Variants in KALRN observed in about 807,000 individuals in gnomAD.
KALRN encodes kalirin RhoGEF kinase, also known as kalirin.
In KALRN, 70 loss-of-function variants were observed where a neutral mutation model predicts 353.7. That is an observed-to-expected ratio of 0.20 (90% CI 0.16 to 0.24). The LOEUF (loss-of-function observed/expected upper bound fraction) is 0.24, where lower values mean the gene tolerates loss of function less well. Ranked by LOEUF, KALRN falls within the 10% of genes least tolerant of loss-of-function variation. The pLI is 1.00. For synonymous variants in KALRN, 1,391 were observed against 1,434.8 expected (o/e 0.97, Z 0.69); for missense variants, 2,791 against 3,756.7 (o/e 0.74, Z 6.72).
At chr3:124,094,660 C>T (rs1316817032) in intron 1 of KALRN, 2 of 646,230 alleles carry the variant, frequency 3.1e-6, no homozygotes, top group Non-Finnish European at 5.7e-6. Context: ...GTGAAACCGG[C>T]TCCCGGCACA....
At chr3:124,548,478 C>T (rs1349724452) in intron 33 of KALRN, among the ~76,000 whole-genome samples, 1 of 152,172 alleles carries the variant, frequency 6.6e-6, no homozygotes, top group Non-Finnish European at 1.5e-5. Context: ...AAATGGAAGG[C>T]AAAACTGTCC....
intron 33 of KALRN, among the ~76,000 whole-genome samples, chr3:124,547,457 C>T (rs2069830692): frequency 6.6e-6 from 1 of 151,936 alleles, no homozygotes; most frequent in Admixed American, 6.6e-5. Flanking sequence ...GTTCTACAGG[C>T]TCATACCACC....
chr3:124,111,033 T>C (rs2149503815), intron 1 of KALRN, among the ~76,000 whole-genome samples: 1 of 152,346 alleles, frequency 6.6e-6, no homozygotes, highest in South Asian at 2.1e-4. Flanking sequence ...GATTTTAAAC[T>C]TCTCCTAGGT....
intron 34 of KALRN, among the ~76,000 whole-genome samples, chr3:124,625,475 G>A (rs999372862): frequency 8.6e-5 from 13 of 151,836 alleles, no homozygotes; most frequent in African/African-American, 2.2e-4. Flanking sequence ...TAATCCTAGC[G>A]CTTTGAAGGC....
intron 10 of KALRN, among the ~76,000 whole-genome samples, chr3:124,365,103 G>T (rs764797290): frequency 2.0e-5 from 3 of 152,040 alleles, no homozygotes; most frequent in Non-Finnish European, 4.4e-5. Flanking sequence ...TCATGTCCTT[G>T]GGGTCTATAT....
chr3:124,260,539 G>T (rs1045806732), intron 3 of KALRN, among the ~76,000 whole-genome samples: 2 of 152,150 alleles, frequency 1.3e-5, no homozygotes, highest in African/African-American at 4.8e-5. Context: ...TTGCCCTTGG[G>T]AATTGGACCC....
At chr3:124,570,856 A>G (rs370976340) in intron 34 of KALRN, among the ~76,000 whole-genome samples, 4 of 152,278 alleles carry the variant, frequency 2.6e-5, no homozygotes, top group East Asian at 3.9e-4. Context: ...AAGCAGGTGA[A>G]AGGTGTTCTA....
At chr3:124,631,650 A>G (rs1305669640) in intron 34 of KALRN, among the ~76,000 whole-genome samples, 1 of 152,188 alleles carries the variant, frequency 6.6e-6, no homozygotes, top group Non-Finnish European at 1.5e-5. Context: ...GGAATAGTGC[A>G]GTGGCCTCCC....
chr3:124,138,628 TC>T (rs931308669), intron 1 of KALRN, among the ~76,000 whole-genome samples: 16 of 152,276 alleles, frequency 1.1e-4, no homozygotes, highest in African/African-American at 3.9e-4. Context: ...CCATATTCTC[TC>T]CCTCCACCTT....
intron 26 of KALRN, among the ~76,000 whole-genome samples, chr3:124,476,620 G>C (rs760260085): frequency 1.3e-5 from 2 of 152,088 alleles, no homozygotes; most frequent in African/African-American, 2.4e-5. Context: ...AGAGTCTTCA[G>C]AGTCTTGAAT....
chr3:124,277,828 C>G (rs930506339), intron 5 of KALRN, among the ~76,000 whole-genome samples: 1 of 152,190 alleles, frequency 6.6e-6, no homozygotes, highest in Admixed American at 6.5e-5. Context: ...CTATGCAGCC[C>G]CTGCTTATGA....
At chr3:124,683,822 G>A (rs1370541195) in intron 51 of KALRN, among the ~76,000 whole-genome samples, 1 of 152,200 alleles carries the variant, frequency 6.6e-6, no homozygotes, top group Non-Finnish European at 1.5e-5. Flanking sequence ...AAAGATTAGA[G>A]AGAGAAAGCA....
intron 57 of KALRN, among the ~76,000 whole-genome samples, chr3:124,709,294 T>C (rs2062782782): frequency 6.6e-6 from 1 of 152,176 alleles, no homozygotes; most frequent in Admixed American, 6.5e-5. Context: ...TATTTATTTA[T>C]TTAGACAGAG....
chr3:124,452,752 G>T (rs1411091114), intron 21 of KALRN, among the ~76,000 whole-genome samples: 1 of 152,154 alleles, frequency 6.6e-6, no homozygotes, highest in Non-Finnish European at 1.5e-5. Context: ...CTGTCTCTTT[G>T]CTCCTCTAGT....
chr3:124,118,565 G>T lies in KALRN; in HGVS notation c.73+84752G>T, dbSNP rs149102031. 9.9e-5 allele frequency among the ~76,000 whole-genome samples: 15 copies of T among 152,270 alleles called. No individual in the cohort carries two copies. In the South Asian group the frequency reaches 2.5e-3, roughly 25 times the overall value. ...TCCACAGAAGCCCTCTGTCCCTCAC[G>T]TGGGCTCTGGAGATTCCTAAGACTT... On this transcript the variant is annotated intron_variant, in intron 1 of 59. Coordinates refer to ENST00000682506, the MANE Select transcript of KALRN (RefSeq NM_001388419.1).
chr3:124,223,690 A>C (rs1292200959), intron 1 of KALRN, among the ~76,000 whole-genome samples: 1 of 152,194 alleles, frequency 6.6e-6, no homozygotes, highest in African/African-American at 2.4e-5. Context: ...ATGGAACACA[A>C]GGCACCCAGG....
At chr3:124,293,659 G>GTAA (rs1032056756) in intron 5 of KALRN, among the ~76,000 whole-genome samples, 2 of 152,112 alleles carry the variant, frequency 1.3e-5, no homozygotes, top group Non-Finnish European at 2.9e-5. Flanking sequence ...TGACTTACAT[G>GTAA]TAACATCTAT....
intron 13 of KALRN, among the ~76,000 whole-genome samples, chr3:124,404,656 CTTT>C (rs34848980): frequency 7.6e-6 from 1 of 131,450 alleles, no homozygotes. Context: ...TAGTCTTTTT[CTTT>C]TTTTTTTTTT....
At chr3:124,466,367 G>T (rs1218861398) in intron 25 of KALRN, among the ~76,000 whole-genome samples, 1 of 152,142 alleles carries the variant, frequency 6.6e-6, no homozygotes, top group Non-Finnish European at 1.5e-5. Flanking sequence ...CATTCCTGGA[G>T]CACTCAGACA....
Sources: gnomAD v4.1 joint callset for allele counts (sites outside exome capture counted in the v4.1 genomes callset) on GRCh38, gnomAD v4.1.1 for gene constraint, MANE v1.5 for transcripts, NCBI Gene and HGNC (gene_info 2026-07-23, HGNC 2026-07-21) for gene names.